The following SOS2 variants were observed in gnomAD, a reference collection of about 807,000 sequenced individuals.
The protein encoded by SOS2 is son of sevenless homolog 2.
A neutral mutation model predicts 148.2 loss-of-function variants in SOS2; 65 were observed. The observed-to-expected ratio is 0.44, with a 90% confidence interval of 0.36 to 0.54. The LOEUF (loss-of-function observed/expected upper bound fraction) is 0.54. SOS2 is among the 20% of genes least tolerant of loss of function. The pLI, the probability that SOS2 is intolerant of heterozygous loss-of-function variation, is 0.00. For synonymous variants in SOS2, 539 were observed against 537.1 expected (o/e 1.00, Z -0.05); for missense variants, 1,341 against 1,590.2 (o/e 0.84, Z 2.67).
chr14:50,141,805 G>A lies in SOS2; in HGVS notation c.2668-1746C>T, dbSNP rs562435325. On this transcript the variant is annotated intron_variant, in intron 16 of 22. Coordinates refer to ENST00000216373, the MANE Select transcript of SOS2 (RefSeq NM_006939.4). Reference sequence around the variant, plus strand: ...TAGGAGAACAAAGAACCAAGAATACGTTCCTCCTGAAAAAGAGTAAGATTG... The same window carrying A: ...TAGGAGAACAAAGAACCAAGAATACATTCCTCCTGAAAAAGAGTAAGATTG... Among the ~76,000 whole-genome samples the A allele has an allele frequency of 1.0e-3, 159 of 152,132 alleles. 3 individuals are homozygous for A. Among genetic ancestry groups the A allele is most frequent in the Admixed American group, 8.2e-3 (126 of 15,276 alleles).
Position 50,228,252 on chromosome 14 carries a change from CA to C in SOS2, c.87+2944del, listed in dbSNP as rs1185315112. Among the ~76,000 whole-genome samples, 72 of 152,042 alleles carry C rather than the reference CA, an allele frequency of 4.7e-4. 2 individuals carry two copies. Among genetic ancestry groups the C allele is most frequent in the African/African-American group, 1.7e-3 (71 of 41,470 alleles). ...AGAGACGGGGTTTCACCATGCTGGCCAGGCTGGTCACGAACTCCTAAACTCA... is the reference window on the plus strand; with the variant it reads ...AGAGACGGGGTTTCACCATGCTGGCCGGCTGGTCACGAACTCCTAAACTCA... On this transcript the variant is annotated intron_variant, in intron 1 of 22. Coordinates refer to ENST00000216373, the MANE Select transcript of SOS2 (RefSeq NM_006939.4).
At chr14:50,135,623 CT>C (rs1287196127) in intron 18 of SOS2, among the ~76,000 whole-genome samples, 1 of 110,950 alleles carries the variant, frequency 9.0e-6, no homozygotes, top group African/African-American at 3.4e-5. Flanking sequence ...ATTCAATTAA[CT>C]TTTTTCAATG....
chr14:50,175,280 T>C lies in SOS2; in HGVS notation c.970-728A>G, dbSNP rs558269839. 6.6e-5 allele frequency among the ~76,000 whole-genome samples: 10 copies of C among 152,260 alleles called. No homozygotes were observed. In the East Asian group the frequency reaches 1.9e-3, roughly 29 times the overall value. On this transcript the variant is annotated intron_variant, in intron 7 of 22. Transcript: ENST00000216373. ...AACATAAATCTTTGTGATAACCATA[T>C]CACTTCTTAATTCTTAGACAGATAG...
intron 16 of SOS2, among the ~76,000 whole-genome samples, chr14:50,142,282 A>C (rs1355744264): frequency 1.3e-5 from 2 of 152,204 alleles, no homozygotes; most frequent in African/African-American, 4.8e-5. Flanking sequence ...TGTTGGGATT[A>C]CAGGCATGAG....
At chr14:50,185,806 T>A (rs1885890218) in intron 5 of SOS2, among the ~76,000 whole-genome samples, 1 of 152,118 alleles carries the variant, frequency 6.6e-6, no homozygotes, top group African/African-American at 2.4e-5. Context: ...TAACATGTAT[T>A]GGGCACATTA....
rs1273660352 is a variant in SOS2 at position 50,145,330 on chromosome 14, C to A, written c.2507G>T (p.Cys836Phe). 1 of 1,594,900 alleles carries A rather than the reference C, an allele frequency of 6.3e-7. No individual in the cohort carries two copies. Among genetic ancestry groups the A allele is most frequent in the South Asian group, 1.1e-5 (1 of 87,226 alleles). Reference protein sequence around the residue: ...TTNLTLWFEKCIVEAENFEER... With the variant: ...TTNLTLWFEKFIVEAENFEER... The stretch of plus-strand genomic sequence containing the variant: ...TTCAAAATTTTCTGCTTCCACAATG[C>A]ATCTAACAACAACAAAAATTCATGG... Residue 836 changes from cysteine to phenylalanine, a missense_variant and splice_region_variant, in exon 16 of 23, where the codon TGC (cysteine) becomes TTC (phenylalanine). By Grantham distance (205) the Cys-to-Phe change is radical (BLOSUM62 -2). Transcript: ENST00000216373.
At chr14:50,174,585 T>C (rs1484368336) in intron 7 of SOS2, 33 bp from the exon 8 acceptor site, 2 of 1,317,362 alleles carry the variant, frequency 1.5e-6, no homozygotes, top group Admixed American at 1.8e-5. Context: ...AGTATGTATG[T>C]CTCTGACATC....
chr14:50,184,474 TGA>T (rs1595003270), intron 5 of SOS2, among the ~76,000 whole-genome samples: 1 of 152,182 alleles, frequency 6.6e-6, no homozygotes, highest in African/African-American at 2.4e-5. Flanking sequence ...TGATAAATAC[TGA>T]GTTTATGCTA....
intron 11 of SOS2, among the ~76,000 whole-genome samples, chr14:50,157,736 T>A (rs942701480): frequency 1.3e-5 from 2 of 152,142 alleles, no homozygotes; most frequent in African/African-American, 4.8e-5. Flanking sequence ...TAGAATTATA[T>A]CTTGATAATA....
chr14:50,123,248 A>G (rs1883576889), intron 21 of SOS2, among the ~76,000 whole-genome samples: 1 of 152,176 alleles, frequency 6.6e-6, no homozygotes, highest in African/African-American at 2.4e-5. Context: ...TATTATGTTG[A>G]GGCAGACTGA....
rs2139778845 is a variant in SOS2 at position 50,199,699 on chromosome 14, C to T, written c.502G>A (p.Ala168Thr). The T allele has an allele frequency of 6.3e-7, 1 of 1,596,948 alleles. No homozygotes were observed. Among genetic ancestry groups the T allele is most frequent in the South Asian group, 1.1e-5 (1 of 88,678 alleles). Reference protein sequence around the residue: ...SQQDIKVSMCADKVLMDMFDQ... With the variant: ...SQQDIKVSMCTDKVLMDMFDQ... ...TACCTTGTAACACTTACCTTATCCG[C>T]ACACATTGACACTTTAATGTCCTGC... is the stretch of plus-strand genomic sequence containing the variant. The change falls in exon 4 of 23, where the codon GCG becomes ACG. Residue 168 changes from alanine (A) to threonine (T), a missense_variant. By Grantham distance (58) the Ala-to-Thr change is moderately conservative. Transcript: ENST00000216373.
chr14:50,199,408 C>T (rs1886412458), intron 4 of SOS2, among the ~76,000 whole-genome samples: 1 of 152,244 alleles, frequency 6.6e-6, no homozygotes, highest in South Asian at 2.1e-4. Flanking sequence ...TCTATATATT[C>T]TCTTTCTAAA....
chr14:50,223,494 G>A (rs1887260330), intron 1 of SOS2, among the ~76,000 whole-genome samples: 2 of 151,994 alleles, frequency 1.3e-5, no homozygotes. Context: ...CCAACATGGT[G>A]AAACCCCGTC....
At chr14:50,178,656 G>GT (rs1298307032) in intron 7 of SOS2, among the ~76,000 whole-genome samples, 22 of 18,006 alleles carry the variant, frequency 1.2e-3, no homozygotes, top group Middle Eastern at 0.025. Flanking sequence ...TAGTGTGTGT[G>GT]TGTGTGTGTG....
At chr14:50,119,579 T>A (rs980120696) in intron 22 of SOS2, among the ~76,000 whole-genome samples, 9 of 152,060 alleles carry the variant, frequency 5.9e-5, no homozygotes, top group African/African-American at 2.2e-4. Flanking sequence ...TCGCCCAGGC[T>A]GGAGTGCAAT....
At chr14:50,145,649 A>G in intron 14 of SOS2, 53 bp from the exon 15 acceptor site, 1 of 1,183,418 alleles carries the variant, frequency 8.5e-7, no homozygotes, top group Non-Finnish European at 1.2e-6. Context: ...TGTATTACTT[A>G]AAGATCTTCT....
intron 18 of SOS2, among the ~76,000 whole-genome samples, chr14:50,137,808 T>C (rs1166789506): frequency 2.0e-5 from 3 of 152,142 alleles, no homozygotes; most frequent in Non-Finnish European, 1.5e-5. Context: ...CTTTGTATTA[T>C]GAATAATCCA....
chr14:50,119,170 C>CAT (rs1212011035), intron 22 of SOS2, among the ~76,000 whole-genome samples: 3 of 152,160 alleles, frequency 2.0e-5, no homozygotes, highest in African/African-American at 2.4e-5. Context: ...CATGAAAGGA[C>CAT]ATGATGTCTA....
At chr14:50,160,490 G>A (rs1336243874) in intron 9 of SOS2, among the ~76,000 whole-genome samples, 1 of 140,308 alleles carries the variant, frequency 7.1e-6, no homozygotes. Context: ...AGGTTTAAGT[G>A]ATTCTCCTGC....
Sources: allele counts gnomAD v4.1 joint callset (sites outside exome capture counted in the v4.1 genomes callset), GRCh38; gene constraint gnomAD v4.1.1; transcripts MANE v1.5; gene names NCBI Gene and HGNC (gene_info 2026-07-23, HGNC 2026-07-21).